PLA2G4A: variants seen among roughly 807,000 people sequenced by gnomAD.
The protein encoded by PLA2G4A is cytosolic phospholipase A2.
In PLA2G4A, 40 loss-of-function variants were observed where a neutral mutation model predicts 81.9. The observed-to-expected ratio is 0.49, with a 90% CI of 0.38 to 0.64. PLA2G4A has a LOEUF of 0.64. Among genes scored for constraint, PLA2G4A ranks in the 30% least tolerant of loss-of-function variants. The probability of loss-of-function intolerance (pLI) is 0.00; values close to 1 mark genes in which losing one functional copy is unlikely to be tolerated. For missense variants in PLA2G4A, 715 were observed against 905.1 expected (o/e 0.79, Z 2.69); for synonymous variants, 302 against 296.9 (o/e 1.02, Z -0.18).
chr1:186,895,257 T>C (rs1376812761), intron 5 of PLA2G4A, among the ~76,000 whole-genome samples: 2 of 152,230 alleles, frequency 1.3e-5, no homozygotes, highest in Non-Finnish European at 2.9e-5. Flanking sequence ...ATGGAATGAA[T>C]GTGTACCTAT....
chr1:186,909,680 A>T (rs1654873262), intron 6 of PLA2G4A, among the ~76,000 whole-genome samples: 1 of 139,560 alleles, frequency 7.2e-6, no homozygotes, highest in African/African-American at 2.7e-5. Context: ...AAAAAAAAAA[A>T]AGTTAACTCA....
intron 2 of PLA2G4A, among the ~76,000 whole-genome samples, chr1:186,859,823 C>A (rs1469511002): frequency 2.0e-5 from 3 of 152,072 alleles, no homozygotes; most frequent in Non-Finnish European, 4.4e-5. Context: ...TTTTACCTGC[C>A]TCATCTGGAA....
Position 186,977,703 on chromosome 1 carries a change from CA to C in PLA2G4A, c.1877del (p.Lys626ArgfsTer77). 2 of 1,613,280 alleles carry C rather than the reference CA, an allele frequency of 1.2e-6. No individual in the cohort carries two copies. Among genetic ancestry groups the C allele is most frequent in the Non-Finnish European group, 1.7e-6 (2 of 1,179,286 alleles). On this transcript the variant is annotated frameshift_variant, in exon 16 of 18. Coordinates refer to ENST00000367466, the MANE Select transcript of PLA2G4A (RefSeq NM_024420.3). LOFTEE classifies it high-confidence loss of function. ...TGAAGGAGTGCTATGTCTTTAAACCCAAGAATCCTGATATGGAGAAAGATTG... is the reference window on the plus strand; with the variant it reads ...TGAAGGAGTGCTATGTCTTTAAACCCAGAATCCTGATATGGAGAAAGATTG... ...GLKECYVFKP[K>X]NPDMEKDCPT...
chr1:186,962,588 C>G (rs1031725575), intron 14 of PLA2G4A, among the ~76,000 whole-genome samples: 5 of 152,038 alleles, frequency 3.3e-5, no homozygotes, highest in African/African-American at 1.2e-4. Flanking sequence ...GCGGCGCGAT[C>G]TCGGCTCTCT....
chr1:186,967,437 C>G (rs1657170950), intron 15 of PLA2G4A, among the ~76,000 whole-genome samples: 1 of 152,118 alleles, frequency 6.6e-6, no homozygotes, highest in Non-Finnish European at 1.5e-5. Flanking sequence ...TTACCAGCTG[C>G]CTTCTTTGTG....
At chr1:186,848,631 A>G (rs1354563514) in intron 1 of PLA2G4A, among the ~76,000 whole-genome samples, 2 of 152,158 alleles carry the variant, frequency 1.3e-5, no homozygotes, top group Non-Finnish European at 2.9e-5. Context: ...GAATAGAATC[A>G]AAGAACAAGA....
At chr1:186,833,737 TC>T (rs1214124555) in intron 1 of PLA2G4A, among the ~76,000 whole-genome samples, 1 of 152,218 alleles carries the variant, frequency 6.6e-6, no homozygotes, top group Non-Finnish European at 1.5e-5. Context: ...AGTTTACCTT[TC>T]CTTATACAAA....
In PLA2G4A at chr1:186,911,363, A is replaced by T; in HGVS notation, c.532A>T (p.Ser178Cys). The T allele has an allele frequency of 6.2e-7, 1 of 1,611,506 alleles. No individual in the cohort carries two copies. The highest frequency in any genetic ancestry group is 8.5e-7 in the Non-Finnish European group (1 of 1,177,524). Reference sequence around the variant, plus strand: ...GAAGAAACTCTTGGGTCCAAAGAATAGTGAAGGATTGCATTCTGCACGTGA... The same window carrying T: ...GAAGAAACTCTTGGGTCCAAAGAATTGTGAAGGATTGCATTCTGCACGTGA... Reference protein sequence around the residue: ...SMKKLLGPKNSEGLHSARDVP... With the variant: ...SMKKLLGPKNCEGLHSARDVP... Residue 178 changes from serine to cysteine, a missense_variant, in exon 7 of 18, where the codon AGT becomes TGT. Transcript: ENST00000367466.
chr1:186,878,811 C>A (rs1653620423), intron 3 of PLA2G4A, among the ~76,000 whole-genome samples: 1 of 151,654 alleles, frequency 6.6e-6, no homozygotes, highest in African/African-American at 2.4e-5. Flanking sequence ...TCAATAATGT[C>A]AATTGATCAA....
intron 2 of PLA2G4A, among the ~76,000 whole-genome samples, chr1:186,858,567 G>A (rs961346068): frequency 2.6e-5 from 4 of 152,080 alleles, no homozygotes; most frequent in Admixed American, 6.6e-5. Flanking sequence ...TGTTCACTCT[G>A]ATGGTAGTTT....
intron 14 of PLA2G4A, among the ~76,000 whole-genome samples, chr1:186,958,430 C>T (rs1172046568): frequency 2.0e-5 from 3 of 151,908 alleles, no homozygotes; most frequent in Non-Finnish European, 2.9e-5. Context: ...CTTCTAGAAA[C>T]GTATGCTTTA....
At chr1:186,890,688 T>C (rs1654103435) in intron 3 of PLA2G4A, among the ~76,000 whole-genome samples, 1 of 151,696 alleles carries the variant, frequency 6.6e-6, no homozygotes, top group African/African-American at 2.4e-5. Flanking sequence ...ACCCTGTCTC[T>C]ACTGAATATA....
At chr1:186,838,737 TG>T (rs1651876907) in intron 1 of PLA2G4A, among the ~76,000 whole-genome samples, 1 of 152,204 alleles carries the variant, frequency 6.6e-6, no homozygotes, top group Non-Finnish European at 1.5e-5. Context: ...GCTAAGTACT[TG>T]TTTCTGAGTT....
At chr1:186,942,376 A>G (rs971847434) in intron 10 of PLA2G4A, among the ~76,000 whole-genome samples, 1 of 152,138 alleles carries the variant, frequency 6.6e-6, no homozygotes, top group African/African-American at 2.4e-5. Flanking sequence ...TACATGGTCA[A>G]AAGAACACTA....
intron 5 of PLA2G4A, among the ~76,000 whole-genome samples, chr1:186,895,328 G>A (rs922999164): frequency 2.6e-5 from 4 of 152,156 alleles, no homozygotes; most frequent in African/African-American, 9.7e-5. Flanking sequence ...GAATGGCCCA[G>A]GTACCTTGAG....
intron 3 of PLA2G4A, among the ~76,000 whole-genome samples, chr1:186,889,838 T>G (rs1654072592): frequency 6.6e-6 from 1 of 152,136 alleles, no homozygotes; most frequent in South Asian, 2.1e-4. Context: ...TTTCTCTTCC[T>G]CTAATTCCAG....
chr1:186,884,758 A>C (rs937181492), intron 3 of PLA2G4A, among the ~76,000 whole-genome samples: 1 of 151,996 alleles, frequency 6.6e-6, no homozygotes, highest in Admixed American at 6.6e-5. Context: ...GTGAGCTTGT[A>C]GTCCCAGCTA....
chr1:186,922,562 C>G (rs182241547), intron 7 of PLA2G4A, among the ~76,000 whole-genome samples: 1 of 152,286 alleles, frequency 6.6e-6, no homozygotes, highest in African/African-American at 2.4e-5. Context: ...CTGCTTTGCT[C>G]AAGCTGGCCA....
chr1:186,971,326 C>G (rs1657348181), intron 15 of PLA2G4A, among the ~76,000 whole-genome samples: 1 of 151,928 alleles, frequency 6.6e-6, no homozygotes, highest in African/African-American at 2.4e-5. Flanking sequence ...TAATAAAAAG[C>G]ATGTCTCCAA....
Sources: gnomAD v4.1 joint callset for allele counts (sites outside exome capture counted in the v4.1 genomes callset) on GRCh38, gnomAD v4.1.1 for gene constraint, MANE v1.5 for transcripts, NCBI Gene and HGNC (gene_info 2026-07-23, HGNC 2026-07-21) for gene names.